BNC2: variants seen among roughly 807,000 people sequenced by gnomAD.
BNC2 encodes the protein basonuclin zinc finger protein 2, also known as zinc finger protein basonuclin-2.
In BNC2, 20 loss-of-function variants were observed where a neutral mutation model predicts 76.3. The observed-to-expected ratio is 0.26, with a 90% CI of 0.18 to 0.38. BNC2 has a LOEUF of 0.38. BNC2 is among the 10% of genes least tolerant of loss of function. The probability of loss-of-function intolerance (pLI) is 1.00; values close to 1 mark genes in which losing one functional copy is unlikely to be tolerated. For synonymous variants in BNC2, 582 were observed against 514.8 expected, an observed-to-expected ratio of 1.13 and a Z score of -1.77; for missense variants, 1,382 against 1,399.8, an observed-to-expected ratio of 0.99 and a Z score of 0.20.
chr9:16,828,489 G>C (rs575319645), intron 1 of BNC2, among the ~76,000 whole-genome samples: 1 of 152,122 alleles, frequency 6.6e-6, no homozygotes, highest in Non-Finnish European at 1.5e-5. Flanking sequence ...CCAAGAATAC[G>C]TTCTGAAGCT....
chr9:16,558,549 ACT>A (rs1374097088), intron 4 of BNC2, among the ~76,000 whole-genome samples: 5 of 152,188 alleles, frequency 3.3e-5, no homozygotes, highest in Admixed American at 1.3e-4. Flanking sequence ...CCATTTTCTC[ACT>A]GTCTACTTGA....
intron 5 of BNC2, among the ~76,000 whole-genome samples, chr9:16,469,904 G>C (rs1821784584): frequency 6.6e-6 from 1 of 151,672 alleles, no homozygotes; most frequent in Non-Finnish European, 1.5e-5. Context: ...GTGGAACTTT[G>C]AACTTGAGAG....
At chr9:16,623,708 G>A (rs1464842637) in intron 3 of BNC2, among the ~76,000 whole-genome samples, 2 of 152,182 alleles carry the variant, frequency 1.3e-5, no homozygotes. Flanking sequence ...TTAATTCATA[G>A]TTGCTCTAAT....
intron 5 of BNC2, among the ~76,000 whole-genome samples, chr9:16,521,902 G>T (rs1390759925): frequency 1.3e-5 from 2 of 152,144 alleles, no homozygotes; most frequent in Admixed American, 1.3e-4. Context: ...CTGTGACAAT[G>T]TTCTTGGAAA....
chr9:16,473,241 A>C (rs1057042620), intron 5 of BNC2: 2 of 152,198 alleles, frequency 1.3e-5, no homozygotes, highest in Non-Finnish European at 2.9e-5. Flanking sequence ...GAGTCAGAAG[A>C]ATTCAGATTC....
At chr9:16,846,414 G>C (rs1818984731) in intron 1 of BNC2, among the ~76,000 whole-genome samples, 1 of 152,142 alleles carries the variant, frequency 6.6e-6, no homozygotes, top group Non-Finnish European at 1.5e-5. Context: ...AAAAATATTT[G>C]TCACCAATTC....
intron 4 of BNC2, among the ~76,000 whole-genome samples, chr9:16,576,200 T>C (rs1005010357): frequency 6.6e-6 from 1 of 152,242 alleles, no homozygotes; most frequent in East Asian, 1.9e-4. Context: ...TTCGTTGGGA[T>C]AGTCTCCAAG....
chr9:16,792,586 G>A (rs867538376), intron 1 of BNC2, among the ~76,000 whole-genome samples: 2 of 152,210 alleles, frequency 1.3e-5, no homozygotes, highest in Middle Eastern at 3.4e-3. Flanking sequence ...CTGCAGAAGG[G>A]GCCAAAAGAA....
rs558006835 is a variant in BNC2 at position 16,475,685 on chromosome 9, C to T, written c.670-38161G>A. Among the ~76,000 whole-genome samples the T allele has an allele frequency of 1.4e-3, 211 of 152,306 alleles. 2 individuals are homozygous for T. Among genetic ancestry groups the T allele is most frequent in the African/African-American group, 4.9e-3 (204 of 41,564 alleles). ...AACAGTGTCTTTTATCCCCTTTCCT[C>T]CATACAATTCAGATTGCAGGTTGGG... On this transcript the variant is annotated intron_variant, in intron 5 of 6. Coordinates refer to ENST00000380672, the MANE Select transcript of BNC2 (RefSeq NM_017637.6).
In BNC2 at chr9:16,434,491, T is replaced by G. The variant is rs575839387; in HGVS notation, c.2639+1064A>C. ...TCTCTAAAATATTTTTAGAAGACAA[T>G]GTAGAACCAAAAACCGCATCTGATA... is the stretch of plus-strand genomic sequence containing the variant. On this transcript the variant is annotated intron_variant, in intron 6 of 6. Transcript: ENST00000380672. 7.8e-4 allele frequency among the ~76,000 whole-genome samples: 119 copies of G among 152,286 alleles called. 1 individual carries two copies. The South Asian group carries it at 0.023, about 30-fold the overall frequency.
intron 3 of BNC2, among the ~76,000 whole-genome samples, chr9:16,614,377 T>C (rs1820636681): frequency 1.3e-5 from 2 of 151,960 alleles, no homozygotes; most frequent in African/African-American, 4.8e-5. Flanking sequence ...TCAACACATG[T>C]ATGCTTCAAA....
chr9:16,773,162 T>C (rs772005034), intron 1 of BNC2, among the ~76,000 whole-genome samples: 14 of 152,182 alleles, frequency 9.2e-5, no homozygotes, highest in Non-Finnish European at 2.1e-4. Flanking sequence ...GACAGACGGA[T>C]GGATCAGACA....
At chr9:16,738,776 C>T (rs1271911228) in intron 1 of BNC2, among the ~76,000 whole-genome samples, 6 of 152,038 alleles carry the variant, frequency 3.9e-5, no homozygotes, top group African/African-American at 7.3e-5. Context: ...CTTAATATGA[C>T]ACTTTTAACT....
intron 3 of BNC2, among the ~76,000 whole-genome samples, chr9:16,593,843 A>G (rs1214451975): frequency 6.6e-6 from 1 of 152,062 alleles, no homozygotes; most frequent in African/African-American, 2.4e-5. Flanking sequence ...ACACATTTTA[A>G]CTCAGTCTAT....
intron 1 of BNC2, among the ~76,000 whole-genome samples, chr9:16,820,109 A>T: frequency 1.0e-5 from 1 of 95,900 alleles, no homozygotes; most frequent in African/African-American, 4.4e-5. Flanking sequence ...TGGGCAACAG[A>T]GTGAGACTGT....
At chr9:16,445,805 G>A (rs1184111129) in intron 5 of BNC2, among the ~76,000 whole-genome samples, 5 of 152,178 alleles carry the variant, frequency 3.3e-5, no homozygotes, top group Admixed American at 3.3e-4. Context: ...CATGAAGTAA[G>A]TATGCAAACA....
chr9:16,765,808 A>T (rs1184993068), intron 1 of BNC2, among the ~76,000 whole-genome samples: 9 of 147,826 alleles, frequency 6.1e-5, no homozygotes, highest in African/African-American at 1.8e-4. Flanking sequence ...TTTTTCTGAG[A>T]CGGAGTCTAG....
At chr9:16,674,247 TG>T (rs1822570685) in intron 3 of BNC2, among the ~76,000 whole-genome samples, 1 of 152,218 alleles carries the variant, frequency 6.6e-6, no homozygotes, top group Non-Finnish European at 1.5e-5. Context: ...TCTAGAATGC[TG>T]GTTTACAACA....
chr9:16,769,114 G>A lies in BNC2; in HGVS notation c.4-30629C>T, dbSNP rs577588273. 7.2e-5 allele frequency among the ~76,000 whole-genome samples: 11 copies of A among 152,326 alleles called. No individual in the cohort carries two copies. In the East Asian group the frequency reaches 2.1e-3, roughly 29 times the overall value. On this transcript the variant is annotated intron_variant, in intron 1 of 6. Coordinates refer to ENST00000380672, the MANE Select transcript of BNC2 (RefSeq NM_017637.6). ...ACAAATAGGACCCTGGAAAAGCATA[G>A]TGCCTGCTGAGGCTGCAGCTTAAAC... is the stretch of plus-strand genomic sequence containing the variant.
Sources: allele counts gnomAD v4.1 joint callset (sites outside exome capture counted in the v4.1 genomes callset), GRCh38; gene constraint gnomAD v4.1.1; transcripts MANE v1.5; gene names NCBI Gene and HGNC (gene_info 2026-07-23, HGNC 2026-07-21).